The following GNS variants were observed in gnomAD, a reference collection of about 807,000 sequenced individuals.
GNS encodes the protein glucosamine (N-acetyl)-6-sulfatase.
GNS carries 40 observed loss-of-function variants against 69.7 expected under a neutral mutation model. The ratio of observed to expected loss-of-function variants is 0.57; its 90% CI spans 0.45 to 0.75. The LOEUF (loss-of-function observed/expected upper bound fraction) is 0.75, where lower values mean the gene tolerates loss of function less well. GNS is among the 30% of genes least tolerant of loss of function. The pLI, the probability that GNS is intolerant of heterozygous loss-of-function variation, is 0.00. For missense variants in GNS, 565 were observed against 685.5 expected (o/e 0.82, Z 1.96); for synonymous variants, 243 against 251.6 (o/e 0.97, Z 0.32).
intron 10 of GNS, among the ~76,000 whole-genome samples, chr12:64,727,756 C>A (rs1869254035): frequency 6.6e-6 from 1 of 152,076 alleles, no homozygotes; most frequent in African/African-American, 2.4e-5. Context: ...ATTCCCTGCA[C>A]CACAATTTAA....
chr12:64,717,518 ATTTTTTTTTT>A (rs57088346), intron 13 of GNS, among the ~76,000 whole-genome samples: 24 of 131,400 alleles, frequency 1.8e-4, no homozygotes, highest in African/African-American at 5.0e-4. Flanking sequence ...CACCTGGCTA[ATTTTTTTTTT>A]TTTTTTTTTT....
At chr12:64,752,848 A>G in intron 1 of GNS, 91 bp from the exon 2 acceptor site, 1 of 745,020 alleles carries the variant, frequency 1.3e-6, no homozygotes, top group East Asian at 2.6e-5. Flanking sequence ...ATCTTACTCA[A>G]TCTTTTATTC....
At chr12:64,746,059 TAAAG>T (rs1869889072) in intron 3 of GNS, 2 of 379,516 alleles carry the variant, frequency 5.3e-6, no homozygotes, top group Non-Finnish European at 9.9e-6. Context: ...TTAACAGCGA[TAAAG>T]AGTTTTATTG....
At chr12:64,728,840 A>G (rs1025039335) in intron 10 of GNS, 116 bp downstream of exon 10, 6 of 671,794 alleles carry the variant, frequency 8.9e-6, no homozygotes, top group African/African-American at 7.3e-5. Flanking sequence ...TCCCATCACA[A>G]GATTTTCTGC....
chr12:64,726,654 C>G (rs1166826915), intron 10 of GNS, among the ~76,000 whole-genome samples: 2 of 152,098 alleles, frequency 1.3e-5, no homozygotes, highest in Non-Finnish European at 2.9e-5. Context: ...ACCATCATGC[C>G]TGGCTAATTT....
chr12:64,720,243 C>T, intron 12 of GNS, 61 bp from the exon 13 acceptor site: 1 of 1,069,600 alleles, frequency 9.3e-7, no homozygotes, highest in East Asian at 2.4e-5. Flanking sequence ...AAGAAATACT[C>T]TTAACGTGAC....
At position 64,714,806 on chromosome 12, in the gene GNS, G is replaced by A. The variant is rs899920283; in HGVS notation, c.*1935C>T. 1 of 152,486 alleles carries A rather than the reference G, an allele frequency of 6.6e-6. No homozygotes were observed. The highest frequency in any genetic ancestry group is 1.5e-5 in the Non-Finnish European group (1 of 68,016). The allele number at this position is 152,486 out of a possible 1,614,324, so 9.4% of individuals were successfully genotyped here. ...TGTGGAAGTTGACTGATAATGTTAA[G>A]AGTCAAAGTGAAAAAGAAAGCCGAT... On this transcript the variant is annotated 3_prime_UTR_variant, in exon 14 of 14. Transcript: ENST00000258145.
At chr12:64,717,824 A>C (rs1230276956) in intron 13 of GNS, among the ~76,000 whole-genome samples, 1 of 152,166 alleles carries the variant, frequency 6.6e-6, no homozygotes, top group Non-Finnish European at 1.5e-5. Flanking sequence ...GAACAGAAAC[A>C]TCTTCCAACT....
intron 8 of GNS, among the ~76,000 whole-genome samples, chr12:64,738,776 G>A (rs1296354127): frequency 1.3e-5 from 2 of 151,922 alleles, no homozygotes; most frequent in Non-Finnish European, 1.5e-5. Context: ...TCACGCTACT[G>A]TACTCCAGCC....
At chr12:64,740,891 C>G (rs1177171649) in intron 6 of GNS, among the ~76,000 whole-genome samples, 1 of 152,182 alleles carries the variant, frequency 6.6e-6, no homozygotes, top group Non-Finnish European at 1.5e-5. Flanking sequence ...AACTCAATCT[C>G]TCATTCTTCA....
chr12:64,721,379 G>C (rs1006637980), intron 12 of GNS, among the ~76,000 whole-genome samples: 2 of 152,232 alleles, frequency 1.3e-5, no homozygotes, highest in Non-Finnish European at 2.9e-5. Flanking sequence ...ATATTTGGGT[G>C]GTGGTGGGAG....
rs151304792 is a variant in GNS, at chr12:64,716,142, A to T, written c.*599T>A. ...AAAACATGAACAGAGCTTGGGTGAC[A>T]TGTTTTGAATTTGCAACCTTACCAC... is the stretch of plus-strand genomic sequence containing the variant. On this transcript the variant is annotated 3_prime_UTR_variant, in exon 14 of 14. Coordinates refer to ENST00000258145, the MANE Select transcript of GNS (RefSeq NM_002076.4). 1,611 of 162,126 alleles carry T rather than the reference A, an allele frequency of 9.9e-3. 13 individuals carry two copies. The highest frequency in any genetic ancestry group is 0.018 in the Non-Finnish European group (1,271 of 72,558). 10.0% of individuals were successfully genotyped at this position (162,126 alleles called of 1,614,324 possible).
At chr12:64,719,888 G>A in intron 13 of GNS, 134 bp downstream of exon 13, 1 of 722,642 alleles carries the variant, frequency 1.4e-6, no homozygotes, top group Admixed American at 2.1e-5. Flanking sequence ...ACGGGCTGAT[G>A]CAATTAGAAC....
At chr12:64,722,955 G>C in intron 11 of GNS, 51 bp downstream of exon 11, 1 of 1,061,512 alleles carries the variant, frequency 9.4e-7, no homozygotes. Context: ...CCAGCACCTT[G>C]CCATGTTGTC....
intron 9 of GNS, among the ~76,000 whole-genome samples, chr12:64,731,278 T>C (rs1438895344): frequency 6.6e-6 from 1 of 152,216 alleles, no homozygotes; most frequent in East Asian, 1.9e-4. Flanking sequence ...AGCAATGCCA[T>C]GTTGCCTGGG....
chr12:64,732,852 G>A (rs1050392723), intron 9 of GNS, among the ~76,000 whole-genome samples: 3 of 152,134 alleles, frequency 2.0e-5, no homozygotes, highest in Non-Finnish European at 4.4e-5. Flanking sequence ...ACCTGCCTTG[G>A]CCTCCCAAAG....
chr12:64,753,770 C>T (rs1870154783), intron 1 of GNS, among the ~76,000 whole-genome samples: 1 of 152,154 alleles, frequency 6.6e-6, no homozygotes, highest in African/African-American at 2.4e-5. Context: ...AGGATTCTAA[C>T]TTATCCAAAA....
intron 2 of GNS, among the ~76,000 whole-genome samples, chr12:64,751,688 A>T (rs1870081487): frequency 6.6e-6 from 1 of 152,184 alleles, no homozygotes; most frequent in African/African-American, 2.4e-5. Flanking sequence ...AGTATTTACT[A>T]TAAGAAGTCA....
chr12:64,734,746 T>A (rs1346705044), intron 9 of GNS, among the ~76,000 whole-genome samples: 1 of 152,202 alleles, frequency 6.6e-6, no homozygotes, highest in East Asian at 1.9e-4. Context: ...GCCAAATGCC[T>A]AAGAGGCTTT....
Sources: gnomAD v4.1 joint callset for allele counts (sites outside exome capture counted in the v4.1 genomes callset) on GRCh38, gnomAD v4.1.1 for gene constraint, MANE v1.5 for transcripts, NCBI Gene and HGNC (gene_info 2026-07-23, HGNC 2026-07-21) for gene names.